Variants in PLD3 observed in about 807,000 individuals in gnomAD.
The protein encoded by PLD3 is phospholipase D family member 3.
PLD3 carries 31 observed loss-of-function variants against 58.4 expected under a neutral mutation model. The observed-to-expected ratio is 0.53, with a 90% CI of 0.40 to 0.72. PLD3 has a LOEUF of 0.72. Among genes scored for constraint, PLD3 ranks in the 30% least tolerant of loss-of-function variants. The pLI is 0.00. For synonymous variants in PLD3, 264 were observed against 273.4 expected (o/e 0.97, Z 0.34); for missense variants, 595 against 659.8 (o/e 0.90, Z 1.08).
chr19:40,353,018 G>A (rs1163204838), intron 1 of PLD3, among the ~76,000 whole-genome samples: 1 of 152,162 alleles, frequency 6.6e-6, no homozygotes, highest in Non-Finnish European at 1.5e-5. Context: ...TCCACACCCT[G>A]CACTTTTGCA....
intron 1 of PLD3, chr19:40,358,570 G>GT (rs1337413722): frequency 6.6e-6 from 1 of 152,186 alleles, no homozygotes; most frequent in Non-Finnish European, 1.5e-5. Flanking sequence ...AATTTTTTAA[G>GT]TTTTTGTAGA....
intron 2 of PLD3, 36 bp downstream of exon 2, chr19:40,365,966 C>T: frequency 6.4e-6 from 1 of 155,924 alleles, no homozygotes; most frequent in Non-Finnish European, 1.4e-5. Flanking sequence ...GGATGGGCAG[C>T]GGGGTGGCAG....
chr19:40,355,310 T>G (rs531523183), intron 1 of PLD3, among the ~76,000 whole-genome samples: 1 of 151,710 alleles, frequency 6.6e-6, no homozygotes, highest in South Asian at 2.1e-4. Context: ...TTCCTTTTTT[T>G]TTTGTTTTTT....
At chr19:40,367,061 C>A (rs1227410669) in intron 5 of PLD3, 146 bp downstream of exon 5, 2 of 772,322 alleles carry the variant, frequency 2.6e-6, no homozygotes, top group African/African-American at 3.5e-5. Flanking sequence ...TCGCCCGCCC[C>A]CTCCTCCTCC....
chr19:40,375,537 C>T (rs537429800), intron 10 of PLD3, among the ~76,000 whole-genome samples: 1 of 151,056 alleles, frequency 6.6e-6, no homozygotes, highest in Admixed American at 6.6e-5. Context: ...GTAGTCCCAG[C>T]TACTTGGGAG....
rs62107633 is a variant in PLD3, at chr19:40,358,111, G to T, written c.-278-7607G>T. On this transcript the variant is annotated intron_variant, in intron 1 of 12. Coordinates refer to ENST00000409735, the MANE Select transcript of PLD3 (RefSeq NM_012268.4). ...CCATTTCATTTGTTGTTTTGAGACCGTGTCTTGCTCTGTCGCCCAGGCTGG... is the reference window on the plus strand; with the variant it reads ...CCATTTCATTTGTTGTTTTGAGACCTTGTCTTGCTCTGTCGCCCAGGCTGG... The T allele has an allele frequency of 9.7e-3, 1,475 of 152,552 alleles. 14 individuals carry two copies. The highest frequency in any genetic ancestry group is 0.017 in the Non-Finnish European group (1,176 of 68,266). 9.4% of individuals were successfully genotyped at this position (152,552 alleles called of 1,614,324 possible). A position where few individuals can be genotyped will look rare whatever the true frequency, so the allele number is the denominator to read the frequency against.
At chr19:40,374,748 G>C (rs1476000680) in intron 10 of PLD3, 128 bp downstream of exon 10, 5 of 1,017,466 alleles carry the variant, frequency 4.9e-6, no homozygotes, top group Non-Finnish European at 7.4e-6. Context: ...TGCAGGGAGA[G>C]ACAGTCACCA....
chr19:40,378,055 G>A lies in PLD3; in HGVS notation c.1355G>A (p.Gly452Glu), dbSNP rs138694915. The A allele has an allele frequency of 4.2e-4, 678 of 1,613,848 alleles. 6 individuals carry two copies. The highest frequency in any genetic ancestry group is 1.6e-4 in the Middle Eastern group (1 of 6,080). Residue 452 changes from glycine (G) to glutamate (E), a missense_variant, in exon 13 of 13, where the codon GGG becomes GAG. Gly to Glu is a moderately conservative substitution (Grantham distance 98). Coordinates refer to ENST00000409735, the MANE Select transcript of PLD3 (RefSeq NM_012268.4). ...AGTSLLVTQN[G>E]RGGLRSQLEA... is the part of the protein sequence containing the mutation. The stretch of plus-strand genomic sequence containing the variant: ...ACCTCGCTGCTGGTGACGCAGAATG[G>A]GAGGGGCGGCCTGCGGAGCCAGCTG...
Position 40,371,758 on chromosome 19 carries a change from G to C in PLD3, c.764G>C (p.Gly255Ala), listed in dbSNP as rs781068376. Residue 255 changes from glycine (G) to alanine (A), a missense_variant, in exon 9 of 13, where the codon GGC becomes GCC. By Grantham distance (60) the Gly-to-Ala change is moderately conservative (BLOSUM62 0). Coordinates refer to ENST00000409735, the MANE Select transcript of PLD3 (RefSeq NM_012268.4). ...TKIFEAYWFL[G>A]QAGSSIPSTW... ...ATCTTTGAGGCCTACTGGTTCCTGG[G>C]CCAGGCAGGCAGCTCCATCCCATCA... 6.2e-7 allele frequency: 1 copy of C among 1,613,836 alleles called. No individual in the cohort carries two copies. Among genetic ancestry groups the C allele is most frequent in the Non-Finnish European group, 8.5e-7 (1 of 1,179,926 alleles).
rs371498208 is a variant in PLD3, at chr19:40,377,946, C to T, written c.1286-40C>T. On this transcript the variant is annotated intron_variant, in intron 12 of 12. Coordinates refer to ENST00000409735, the MANE Select transcript of PLD3 (RefSeq NM_012268.4). ...AGGGGGTTCAGACACCAGGGGCGGC[C>T]CCCCGAGGGTGCCCTTATGCTCCAC... is the stretch of plus-strand genomic sequence containing the variant. 191 of 1,612,260 alleles carry T rather than the reference C, an allele frequency of 1.2e-4. No homozygotes were observed. In the African/African-American group the frequency reaches 2.4e-3, roughly 20 times the overall value.
rs1337157978 is a variant in PLD3, at chr19:40,370,012, G to A, written c.534G>A (p.Gln178=). Residue 178 remains glutamine (Q), a synonymous_variant, in exon 7 of 13, where the codon CAG becomes CAA. Transcript: ENST00000409735. ...PSGPQPQADL[Q]ALLQSGAQVR... ...GGCCCCAGCCACAGGCGGACCTGCAGGCTCTGCTGCAGAGCGGTGAGCTGG... is the reference window on the plus strand; with the variant it reads ...GGCCCCAGCCACAGGCGGACCTGCAAGCTCTGCTGCAGAGCGGTGAGCTGG... 1.9e-6 allele frequency: 3 copies of A among 1,561,814 alleles called. No individual in the cohort carries two copies. The African/African-American group carries it at 4.1e-5, about 21-fold the overall frequency.
intron 1 of PLD3, among the ~76,000 whole-genome samples, chr19:40,362,014 T>C (rs1228065441): frequency 6.6e-6 from 1 of 151,988 alleles, no homozygotes; most frequent in Non-Finnish European, 1.5e-5. Context: ...TTTTTGTATT[T>C]TTAGTAGAGA....
In PLD3 at chr19:40,366,535, G is replaced by A. The variant is rs2078926068; in HGVS notation, c.27+25G>A. On this transcript the variant is annotated intron_variant, in intron 3 of 12. Transcript: ENST00000409735. Reference sequence around the variant, plus strand: ...GGTAGGTGGATTGGGGGGCTCAGCAGGGTGGAACTGGGTACAGTGGGGGTG... The same window carrying A: ...GGTAGGTGGATTGGGGGGCTCAGCAAGGTGGAACTGGGTACAGTGGGGGTG... 6 of 1,608,650 alleles carry A rather than the reference G, an allele frequency of 3.7e-6. No individual in the cohort carries two copies. The Admixed American group carries it at 6.7e-5, about 18-fold the overall frequency.
chr19:40,374,468 C>A lies in PLD3; in HGVS notation c.880-13C>A. The stretch of plus-strand genomic sequence containing the variant: ...TGGCAGGGCACATGTCTTAACTGTC[C>A]CCTCGCCCTCAGAGTGCGCCCCCAC... On this transcript the variant is annotated splice_polypyrimidine_tract_variant and intron_variant, in intron 9 of 12. Transcript: ENST00000409735. The A allele has an allele frequency of 6.2e-7, 1 of 1,613,732 alleles. No homozygotes were observed. The highest frequency in any genetic ancestry group is 1.3e-5 in the African/African-American group (1 of 75,012).
rs200811665 is a variant in PLD3 at position 40,366,471 on chromosome 19, G to A, written c.-13G>A. ...TCACCTGGGCTCTGCGTATCCCCCA[G>A]CCTTGAGGGAAGATGAAGCCTAAAC... On this transcript the variant is annotated 5_prime_UTR_variant, in exon 3 of 13. Transcript: ENST00000409735. 2,146 of 1,613,458 alleles carry A rather than the reference G, an allele frequency of 1.3e-3. 33 individuals are homozygous for A. The South Asian group carries it at 0.019, about 14-fold the overall frequency.
intron 1 of PLD3, among the ~76,000 whole-genome samples, chr19:40,352,775 C>T (rs1296898517): frequency 6.6e-6 from 1 of 152,020 alleles, no homozygotes; most frequent in Non-Finnish European, 1.5e-5. Context: ...GCAGCCTGGG[C>T]AATGTGGTGA....
intron 1 of PLD3, among the ~76,000 whole-genome samples, chr19:40,362,619 G>A (rs970707692): frequency 1.3e-5 from 2 of 152,072 alleles, no homozygotes; most frequent in African/African-American, 2.4e-5. Context: ...TTCATTTGTT[G>A]TAGAGATTAG....
chr19:40,351,263 G>T (rs2078508255), intron 1 of PLD3, among the ~76,000 whole-genome samples: 1 of 150,712 alleles, frequency 6.6e-6, no homozygotes, highest in Non-Finnish European at 1.5e-5. Context: ...CAAAAAAACG[G>T]CCAGGCGTAG....
rs750779268 is a variant in PLD3, at chr19:40,366,995, C to T, written c.245+80C>T. Reference sequence around the variant, plus strand: ...TTAAGCACACACTAAACAGGGCCTGCACTCAGCCCTACCCAGCGCTTGCGA... The same window carrying T: ...TTAAGCACACACTAAACAGGGCCTGTACTCAGCCCTACCCAGCGCTTGCGA... On this transcript the variant is annotated intron_variant, in intron 5 of 12. Transcript: ENST00000409735. 10 of 1,458,394 alleles carry T rather than the reference C, an allele frequency of 6.9e-6. No individual in the cohort carries two copies. In the South Asian group the frequency reaches 1.3e-4, roughly 20 times the overall value. 90.3% of individuals were successfully genotyped at this position (1,458,394 alleles called of 1,614,324 possible).
Sources: gnomAD v4.1 joint callset for allele counts (sites outside exome capture counted in the v4.1 genomes callset) on GRCh38, gnomAD v4.1.1 for gene constraint, MANE v1.5 for transcripts, NCBI Gene and HGNC (gene_info 2026-07-23, HGNC 2026-07-21) for gene names.